SPOPL: variants seen among roughly 807,000 people sequenced by gnomAD.
SPOPL encodes speckle type BTB/POZ protein like.
A neutral mutation model predicts 53.8 loss-of-function variants in SPOPL; 23 were observed. That is an observed-to-expected ratio of 0.43 (90% CI 0.31 to 0.61). The LOEUF is 0.61. Ranked by LOEUF, SPOPL falls within the 20% of genes least tolerant of loss-of-function variation. The pLI, the probability that SPOPL is intolerant of heterozygous loss-of-function variation, is 0.12. For missense variants in SPOPL, 442 were observed against 466.9 expected, an observed-to-expected ratio of 0.95 and a Z score of 0.49; for synonymous variants, 164 against 149.7, an observed-to-expected ratio of 1.10 and a Z score of -0.70.
At chr2:138,555,732 G>A (rs990412099) in intron 5 of SPOPL, among the ~76,000 whole-genome samples, 3 of 152,122 alleles carry the variant, frequency 2.0e-5, no homozygotes, top group South Asian at 4.1e-4. Flanking sequence ...AATTTTTCAG[G>A]ATAGTCACAG....
chr2:138,536,346 C>CCCCACACA (rs1553469730), intron 1 of SPOPL, among the ~76,000 whole-genome samples: 6 of 151,202 alleles, frequency 4.0e-5, no homozygotes, highest in African/African-American at 1.5e-4. Context: ...TGCCCCCCCC[C>CCCCACACA]CACACACACA....
intron 5 of SPOPL, among the ~76,000 whole-genome samples, chr2:138,558,183 A>C (rs1190547015): frequency 3.9e-5 from 6 of 152,060 alleles, no homozygotes; most frequent in Non-Finnish European, 5.9e-5. Flanking sequence ...TAAATAAATA[A>C]ATTTTTTTAA....
At chr2:138,502,352 C>T (rs1236413954) in intron 1 of SPOPL, among the ~76,000 whole-genome samples, 1 of 152,256 alleles carries the variant, frequency 6.6e-6, no homozygotes, top group Non-Finnish European at 1.5e-5. Flanking sequence ...GGGGTTGCCC[C>T]CAATCCCTCC....
chr2:138,566,394 C>CA (rs999111757), intron 10 of SPOPL, among the ~76,000 whole-genome samples: 3 of 151,384 alleles, frequency 2.0e-5, no homozygotes, highest in Admixed American at 6.6e-5. Context: ...TTTTCAGTGT[C>CA]AAAAAAAATA....
At chr2:138,518,643 T>C in intron 1 of SPOPL, among the ~76,000 whole-genome samples, 1 of 152,188 alleles carries the variant, frequency 6.6e-6, no homozygotes, top group East Asian at 1.9e-4. Context: ...CCCTCAAAGG[T>C]TATACAATTC....
At position 138,572,387 on chromosome 2, in the gene SPOPL, A is replaced by G. The variant is rs1273600351; in HGVS notation, c.*3307A>G. ...TAGATGGCCAAAATTAGAATTAATA[A>G]TATACCCATTTAAATTTTGTTCATA... On this transcript the variant is annotated 3_prime_UTR_variant, in exon 11 of 11. Transcript: ENST00000280098. The G allele has an allele frequency of 6.6e-6, 1 of 152,448 alleles. No individual in the cohort carries two copies. Among genetic ancestry groups the G allele is most frequent in the Non-Finnish European group, 1.5e-5 (1 of 68,010 alleles). 9.4% of individuals were successfully genotyped at this position (152,448 alleles called of 1,614,324 possible). A position where few individuals can be genotyped will look rare whatever the true frequency, so the allele number is the denominator to read the frequency against.
intron 1 of SPOPL, among the ~76,000 whole-genome samples, chr2:138,532,500 C>T (rs1684833197): frequency 7.1e-6 from 1 of 140,622 alleles, no homozygotes; most frequent in African/African-American, 2.6e-5. Context: ...GATCTTGGCT[C>T]ACTGCAAGCT....
At chr2:138,557,192 A>G (rs1399532746) in intron 5 of SPOPL, among the ~76,000 whole-genome samples, 1 of 152,104 alleles carries the variant, frequency 6.6e-6, no homozygotes, top group Non-Finnish European at 1.5e-5. Context: ...ATTTAGGTCT[A>G]GTCTTCCTTT....
chr2:138,504,036 C>CTTATT (rs750696030), intron 1 of SPOPL, among the ~76,000 whole-genome samples: 3 of 152,130 alleles, frequency 2.0e-5, no homozygotes, highest in Admixed American at 6.5e-5. Flanking sequence ...CTGTTGCTTA[C>CTTATT]TTATTACATT....
intron 1 of SPOPL, among the ~76,000 whole-genome samples, chr2:138,540,728 C>A (rs1685052526): frequency 2.0e-5 from 3 of 152,166 alleles, no homozygotes; most frequent in African/African-American, 7.2e-5. Flanking sequence ...ATTGGATACC[C>A]TTTATTTCCT....
intron 5 of SPOPL, 136 bp downstream of exon 5, chr2:138,552,817 A>T: frequency 9.5e-7 from 1 of 1,054,714 alleles, no homozygotes; most frequent in Non-Finnish European, 1.3e-6. Context: ...CTTGACTAGA[A>T]AAAGCTTAGA....
chr2:138,551,735 T>A (rs1267607438), intron 4 of SPOPL, among the ~76,000 whole-genome samples: 1 of 152,022 alleles, frequency 6.6e-6, no homozygotes, highest in African/African-American at 2.4e-5. Flanking sequence ...TAATATATAT[T>A]TTCACATTGT....
rs1415010905 is a variant in SPOPL at position 138,555,167 on chromosome 2, TGTGC to T, written c.480+2488_480+2491del. 7.0e-3 allele frequency among the ~76,000 whole-genome samples: 1,016 copies of T among 145,678 alleles called. 17 individuals carry two copies. The highest frequency in any genetic ancestry group is 0.023 in the African/African-American group (872 of 37,920). ...GTGTGTGTGTGTGTGTGTGTGTGTG[TGTGC>T]GAGCCAGACTCGCTTTAATAAACTC... On this transcript the variant is annotated intron_variant, in intron 5 of 10. Coordinates refer to ENST00000280098, the MANE Select transcript of SPOPL (RefSeq NM_001001664.3).
Position 138,550,043 on chromosome 2 carries a change from C to T in SPOPL, c.-60-114C>T, listed in dbSNP as rs144431687. 6.6e-4 allele frequency: 330 copies of T among 501,958 alleles called. 3 individuals carry two copies. The East Asian group carries it at 8.4e-3, about 13-fold the overall frequency. 31.1% of individuals were successfully genotyped at this position (501,958 alleles called of 1,614,324 possible). On this transcript the variant is annotated intron_variant, in intron 1 of 10. Coordinates refer to ENST00000280098, the MANE Select transcript of SPOPL (RefSeq NM_001001664.3). ...ATTTATCTAAAATTCTCACATGTTC[C>T]TTCATAATCTAGTTTGGGATAGTAA... is the stretch of plus-strand genomic sequence containing the variant.
intron 1 of SPOPL, among the ~76,000 whole-genome samples, chr2:138,526,922 T>C (rs140102681): frequency 0.011 from 1,648 of 152,108 alleles, 32 homozygotes; most frequent in African/African-American, 0.037. Flanking sequence ...GACAGGGTTT[T>C]GCCATGTTGG....
intron 1 of SPOPL, among the ~76,000 whole-genome samples, chr2:138,525,962 G>A (rs1330394048): frequency 6.6e-6 from 1 of 151,974 alleles, no homozygotes; most frequent in Non-Finnish European, 1.5e-5. Context: ...TTGTGTTAGT[G>A]ATTTCTATAA....
rs1255958934 is a variant in SPOPL, at chr2:138,538,754, T to C, written c.-60-11403T>C. Among the ~76,000 whole-genome samples the C allele has an allele frequency of 8.6e-5, 13 of 152,024 alleles. No homozygotes were observed. The East Asian group carries it at 2.5e-3, about 29-fold the overall frequency. On this transcript the variant is annotated intron_variant, in intron 1 of 10. Coordinates refer to ENST00000280098, the MANE Select transcript of SPOPL (RefSeq NM_001001664.3). ...TCTTAGCTGTTTTCTTTTTTTTTTT[T>C]CTTTTTATTATACTTTAAGTTTTAG...
rs1243760511 is a variant in SPOPL, at chr2:138,550,118, A to C, written c.-60-39A>C. 3.8e-6 allele frequency: 4 copies of C among 1,042,674 alleles called. No homozygotes were observed. The African/African-American group carries it at 4.7e-5, about 12-fold the overall frequency. The allele number at this position is 1,042,674 out of a possible 1,614,324, so 64.6% of individuals were successfully genotyped here. On this transcript the variant is annotated intron_variant, in intron 1 of 10. Transcript: ENST00000280098. ...TCTTCCCTCTTGATTCTGTCGTTTAAACTTTTTAATCAGTACATCAAACTT... is the reference window on the plus strand; with the variant it reads ...TCTTCCCTCTTGATTCTGTCGTTTACACTTTTTAATCAGTACATCAAACTT...
At chr2:138,505,680 C>T (rs989531356) in intron 1 of SPOPL, among the ~76,000 whole-genome samples, 1 of 149,706 alleles carries the variant, frequency 6.7e-6, no homozygotes, top group African/African-American at 2.5e-5. Flanking sequence ...GAGGGTGAGG[C>T]AGGAGAATCT....
Sources: allele counts gnomAD v4.1 joint callset (sites outside exome capture counted in the v4.1 genomes callset), GRCh38; gene constraint gnomAD v4.1.1; transcripts MANE v1.5; gene names NCBI Gene and HGNC (gene_info 2026-07-23, HGNC 2026-07-21).